The following SEMA6D variants were observed in gnomAD, a reference collection of about 807,000 sequenced individuals.
SEMA6D encodes the protein semaphorin 6D.
A neutral mutation model predicts 106.6 loss-of-function variants in SEMA6D; 35 were observed. The observed-to-expected ratio is 0.33, with a 90% CI of 0.25 to 0.44. SEMA6D has a LOEUF of 0.44. SEMA6D is among the 20% of genes least tolerant of loss of function. SEMA6D has a pLI of 1.00. For missense variants in SEMA6D, 1,185 were observed against 1,345.9 expected (o/e 0.88, Z 1.87); for synonymous variants, 499 against 487.7 (o/e 1.02, Z -0.31).
intron 1 of SEMA6D, among the ~76,000 whole-genome samples, chr15:47,278,696 T>C (rs980983133): frequency 6.6e-6 from 1 of 151,868 alleles, no homozygotes; most frequent in Non-Finnish European, 1.5e-5. Flanking sequence ...CCCATGCCTA[T>C]GTCCTGAATG....
chr15:47,465,708 C>T (rs1480584669), intron 2 of SEMA6D, among the ~76,000 whole-genome samples: 1 of 152,126 alleles, frequency 6.6e-6, no homozygotes, highest in East Asian at 1.9e-4. Flanking sequence ...AGATGTGCCT[C>T]CTTTCTCTTT....
chr15:47,438,286 G>A lies in SEMA6D; in HGVS notation c.-159+25814G>A, dbSNP rs961724732. 1.2e-4 allele frequency among the ~76,000 whole-genome samples: 19 copies of A among 152,096 alleles called. No individual in the cohort carries two copies. The Middle Eastern group carries it at 0.01, about 82-fold the overall frequency. ...CTGGTACAGGCTACCATCATCTCTT[G>A]ATTGTAATAGCCTCCTAAGTCATCG... On this transcript the variant is annotated intron_variant, in intron 2 of 19. Coordinates refer to the SEMA6D transcript ENST00000558014.
At chr15:47,479,511 A>G (rs1348788528) in intron 3 of SEMA6D, among the ~76,000 whole-genome samples, 1 of 152,216 alleles carries the variant, frequency 6.6e-6, no homozygotes, top group Admixed American at 6.5e-5. Context: ...TCTTTTATAT[A>G]CTACCTACTT....
intron 1 of SEMA6D, among the ~76,000 whole-genome samples, chr15:47,215,457 C>G (rs1042895862): frequency 6.6e-6 from 1 of 152,042 alleles, no homozygotes; most frequent in Non-Finnish European, 1.5e-5. Flanking sequence ...ATGAGTAACA[C>G]AAATATGCTA....
chr15:47,731,200 TA>T (rs2080098749), intron 1 of SEMA6D, among the ~76,000 whole-genome samples: 1 of 152,110 alleles, frequency 6.6e-6, no homozygotes, highest in South Asian at 2.1e-4. Context: ...CAGAAATACA[TA>T]GATAATATTT....
At chr15:47,438,762 T>C (rs1395284327) in intron 2 of SEMA6D, among the ~76,000 whole-genome samples, 3 of 151,808 alleles carry the variant, frequency 2.0e-5, no homozygotes, top group Non-Finnish European at 2.9e-5. Context: ...CTTGTTCAGG[T>C]AATTTTCTCC....
At chr15:47,296,591 T>C (rs2035810861) in intron 1 of SEMA6D, among the ~76,000 whole-genome samples, 1 of 152,210 alleles carries the variant, frequency 6.6e-6, no homozygotes, top group African/African-American at 2.4e-5. Context: ...TGAACATATT[T>C]TATAACAACA....
chr15:47,426,169 T>C (rs946321287), intron 2 of SEMA6D, among the ~76,000 whole-genome samples: 2 of 152,090 alleles, frequency 1.3e-5, no homozygotes, highest in African/African-American at 4.8e-5. Context: ...GTGCAAGAGT[T>C]TTTTTAATTT....
chr15:47,268,407 G>A (rs923666386), intron 1 of SEMA6D, among the ~76,000 whole-genome samples: 3 of 151,678 alleles, frequency 2.0e-5, no homozygotes, highest in African/African-American at 7.3e-5. Flanking sequence ...ACCCTCCTTT[G>A]TGCACACCCA....
At chr15:47,285,921 A>G (rs2035340531) in intron 1 of SEMA6D, among the ~76,000 whole-genome samples, 1 of 152,184 alleles carries the variant, frequency 6.6e-6, no homozygotes, top group Non-Finnish European at 1.5e-5. Flanking sequence ...CTAACATTTT[A>G]TTGGATATTG....
At chr15:47,316,600 T>C (rs2036690810) in intron 1 of SEMA6D, among the ~76,000 whole-genome samples, 1 of 96,840 alleles carries the variant, frequency 1.0e-5, no homozygotes, top group African/African-American at 3.4e-5. Flanking sequence ...TCCAGGTTTA[T>C]TGAGAGGTTT....
In SEMA6D at chr15:47,671,140, A is replaced by G. The variant is rs540705534; in HGVS notation, c.-55+70244A>G. Among the ~76,000 whole-genome samples, 12 of 152,348 alleles carry G rather than the reference A, an allele frequency of 7.9e-5. No homozygotes were observed. In the South Asian group the frequency reaches 2.5e-3, roughly 32 times the overall value. On this transcript the variant is annotated intron_variant, in intron 4 of 19. Coordinates refer to the SEMA6D transcript ENST00000558014. Reference sequence around the variant, plus strand: ...ACACATAGCACATAAGAACCAGAAAATGATGCTGAATTGAGTTAGAAAAGG... The same window carrying G: ...ACACATAGCACATAAGAACCAGAAAGTGATGCTGAATTGAGTTAGAAAAGG...
At chr15:47,262,280 A>G (rs1365408420) in intron 1 of SEMA6D, among the ~76,000 whole-genome samples, 1 of 152,180 alleles carries the variant, frequency 6.6e-6, no homozygotes, top group Non-Finnish European at 1.5e-5. Flanking sequence ...TTATAGGTTC[A>G]ATGTTATGCC....
At chr15:47,649,687 G>GAGAGAA (rs2077649448) in intron 4 of SEMA6D, among the ~76,000 whole-genome samples, 1 of 152,190 alleles carries the variant, frequency 6.6e-6, no homozygotes, top group Admixed American at 6.5e-5. Flanking sequence ...CGGAGAGGGA[G>GAGAGAA]AGAGAAAGAG....
intron 1 of SEMA6D, among the ~76,000 whole-genome samples, chr15:47,365,874 A>AAG (rs1357419679): frequency 6.7e-4 from 86 of 127,862 alleles, no homozygotes; most frequent in African/African-American, 2.7e-3. Flanking sequence ...GAAAGAAAGA[A>AAG]AGAGAGAGAG....
intron 3 of SEMA6D, among the ~76,000 whole-genome samples, chr15:47,573,297 C>G (rs2076095175): frequency 6.7e-6 from 1 of 149,192 alleles, no homozygotes; most frequent in African/African-American, 2.5e-5. Flanking sequence ...AGTGTTTATT[C>G]TCCAAAAAAA....
intron 1 of SEMA6D, among the ~76,000 whole-genome samples, chr15:47,265,825 T>C (rs2034291340): frequency 6.6e-6 from 1 of 152,078 alleles, no homozygotes; most frequent in Admixed American, 6.6e-5. Flanking sequence ...TTTAGTGACA[T>C]CTGTATCCCA....
intron 2 of SEMA6D, among the ~76,000 whole-genome samples, chr15:47,439,067 T>C (rs931465342): frequency 2.0e-5 from 3 of 152,206 alleles, no homozygotes; most frequent in Middle Eastern, 3.4e-3. Flanking sequence ...AAAAGTCATC[T>C]GGGAACCATA....
intron 3 of SEMA6D, among the ~76,000 whole-genome samples, chr15:47,519,808 G>A (rs2044511369): frequency 6.6e-6 from 1 of 152,170 alleles, no homozygotes; most frequent in Non-Finnish European, 1.5e-5. Context: ...CTTCCTCTTG[G>A]GGAAGTGGCA....
Sources: gnomAD v4.1 joint callset for allele counts (sites outside exome capture counted in the v4.1 genomes callset) on GRCh38, gnomAD v4.1.1 for gene constraint, MANE v1.5 for transcripts, NCBI Gene and HGNC (gene_info 2026-07-23, HGNC 2026-07-21) for gene names.